ZFHX3: variants seen among roughly 807,000 people sequenced by gnomAD.
ZFHX3 encodes the protein zinc finger homeobox protein 3.
In ZFHX3, 42 loss-of-function variants were observed where a neutral mutation model predicts 279.1. The ratio of observed to expected loss-of-function variants is 0.15; its 90% CI spans 0.12 to 0.19. ZFHX3 has a LOEUF of 0.19. Among genes scored for constraint, ZFHX3 ranks in the 10% least tolerant of loss-of-function variants. ZFHX3 has a pLI of 1.00. For missense variants in ZFHX3, 4,981 were observed against 4,754.0 expected, an observed-to-expected ratio of 1.05 and a Z score of -1.40; for synonymous variants, 2,293 against 1,957.8, an observed-to-expected ratio of 1.17 and a Z score of -4.52.
chr16:72,949,315 CAGG>C (rs923794343), intron 3 of ZFHX3, among the ~76,000 whole-genome samples: 12 of 152,048 alleles, frequency 7.9e-5, no homozygotes, highest in African/African-American at 2.7e-4. Flanking sequence ...GTGTGAAAGG[CAGG>C]AGGAGAGGCT....
intron 1 of ZFHX3, among the ~76,000 whole-genome samples, chr16:73,837,969 T>G (rs1481620921): frequency 2.0e-5 from 3 of 152,226 alleles, no homozygotes; most frequent in Non-Finnish European, 2.9e-5. Context: ...TGTTCCTCTC[T>G]TAGCAATGGT....
chr16:73,402,584 G>T (rs921404413), intron 3 of ZFHX3: 2 of 152,218 alleles, frequency 1.3e-5, no homozygotes, highest in East Asian at 1.9e-4. Context: ...CTGTGGACCC[G>T]CTTTGAGTAG....
chr16:73,212,973 C>A (rs921681518), intron 5 of ZFHX3, among the ~76,000 whole-genome samples: 2 of 152,144 alleles, frequency 1.3e-5, no homozygotes, highest in African/African-American at 4.8e-5. Context: ...ACGTCAGAAA[C>A]GCAGGAAGTA....
chr16:73,550,719 T>C (rs1433707141), intron 2 of ZFHX3, among the ~76,000 whole-genome samples: 1 of 152,240 alleles, frequency 6.6e-6, no homozygotes, highest in African/African-American at 2.4e-5. Flanking sequence ...AATCCATTTG[T>C]TATACCTTCT....
rs145717390 is a variant in ZFHX3 at position 73,822,331 on chromosome 16, T to C, written c.-1608+69320A>G. ...CAGGAAAGGCACGATAGTTCAGTCA[T>C]ATTAGGTTCCTGCCAGCTAAGAAGC... On this transcript the variant is annotated intron_variant, in intron 1 of 17. Transcript: ENST00000641206. Among the ~76,000 whole-genome samples the C allele has an allele frequency of 1.6e-4, 24 of 152,306 alleles. 1 individual carries two copies. Among genetic ancestry groups the C allele is most frequent in the African/African-American group, 2.2e-4 (9 of 41,572 alleles).
chr16:72,893,288 C>G (rs2038817338), intron 3 of ZFHX3, among the ~76,000 whole-genome samples: 1 of 152,188 alleles, frequency 6.6e-6, no homozygotes, highest in Admixed American at 6.5e-5. Context: ...CTCCAATCCC[C>G]CCACTACCTC....
intron 3 of ZFHX3, among the ~76,000 whole-genome samples, chr16:73,352,205 G>C (rs957744606): frequency 6.6e-6 from 1 of 152,214 alleles, no homozygotes; most frequent in East Asian, 1.9e-4. Flanking sequence ...AGTGAGGTCT[G>C]AGGCATCCTT....
chr16:73,417,946 G>T (rs1234363241), intron 3 of ZFHX3, among the ~76,000 whole-genome samples: 1 of 129,390 alleles, frequency 7.7e-6, no homozygotes, highest in African/African-American at 3.1e-5. Flanking sequence ...CTGAGATCGC[G>T]CCACTGCACT....
At chr16:73,511,216 G>C (rs2019422716) in intron 2 of ZFHX3, among the ~76,000 whole-genome samples, 1 of 152,212 alleles carries the variant, frequency 6.6e-6, no homozygotes, top group Non-Finnish European at 1.5e-5. Flanking sequence ...TTCCAGGTAG[G>C]ATTCAGTACT....
intron 4 of ZFHX3, among the ~76,000 whole-genome samples, chr16:73,277,013 G>A (rs1730430225): frequency 6.6e-6 from 1 of 152,174 alleles, no homozygotes; most frequent in African/African-American, 2.4e-5. Context: ...TACAGAAACT[G>A]AGAAACTGGT....
intron 2 of ZFHX3, chr16:73,483,390 C>G (rs2018908471): frequency 2.2e-6 from 1 of 454,058 alleles, no homozygotes; most frequent in Admixed American, 2.4e-5. Flanking sequence ...GAGCCGGGAG[C>G]CAGGGTAGGG....
chr16:73,143,831 G>A (rs1966853875), exon 6 of ZFHX3: 4 of 1,282,696 alleles, frequency 3.1e-6, no homozygotes, highest in Non-Finnish European at 4.1e-6. Context: ...TATCTTCCGA[G>A]CTGAAGAAGA....
chr16:73,247,117 T>C (rs921618661), intron 5 of ZFHX3, among the ~76,000 whole-genome samples: 4 of 152,174 alleles, frequency 2.6e-5, no homozygotes, highest in African/African-American at 9.7e-5. Flanking sequence ...TGTCTGTCTA[T>C]GTGCCTGTAT....
chr16:73,859,057 G>A (rs76207190), intron 1 of ZFHX3, among the ~76,000 whole-genome samples: 164 of 152,238 alleles, frequency 1.1e-3, no homozygotes, highest in Non-Finnish European at 1.9e-3. Flanking sequence ...CTTTTCCCTG[G>A]GGAAAAGTAG....
chr16:73,202,169 T>C (rs2011629298), intron 5 of ZFHX3, among the ~76,000 whole-genome samples: 1 of 152,328 alleles, frequency 6.6e-6, no homozygotes, highest in African/African-American at 2.4e-5. Context: ...CTGGGTGATG[T>C]GTAAGAGTAC....
intron 1 of ZFHX3, among the ~76,000 whole-genome samples, chr16:73,837,678 G>A (rs552698116): frequency 4.9e-4 from 75 of 152,088 alleles, no homozygotes; most frequent in Middle Eastern, 3.4e-3. Context: ...CGCTCTTGTT[G>A]CCCAGGCTAG....
chr16:73,167,443 T>C (rs79642757), intron 5 of ZFHX3, among the ~76,000 whole-genome samples: 4,106 of 152,302 alleles, frequency 0.027, 195 homozygotes, highest in African/African-American at 0.094. Context: ...TGCGATTGAG[T>C]GAAATTGCTT....
chr16:73,432,820 A>G lies in ZFHX3; in HGVS notation c.-1291+23183T>C, dbSNP rs2017931873. Among the ~76,000 whole-genome samples the G allele has an allele frequency of 1.3e-5, 2 of 152,168 alleles. 1 individual carries two copies. Among genetic ancestry groups the G allele is most frequent in the South Asian group, 4.1e-4 (2 of 4,832 alleles). Reference sequence around the variant, plus strand: ...TCTACCTTGGGCTGCAAGAGGCTACACAAGGCTCCGGATAGATGGGTTTTA... The same window carrying G: ...TCTACCTTGGGCTGCAAGAGGCTACGCAAGGCTCCGGATAGATGGGTTTTA... On this transcript the variant is annotated intron_variant, in intron 3 of 17. Coordinates refer to the ZFHX3 transcript ENST00000641206.
chr16:73,884,413 C>A (rs74511524), intron 1 of ZFHX3, among the ~76,000 whole-genome samples: 83 of 152,144 alleles, frequency 5.5e-4, no homozygotes, highest in Non-Finnish European at 1.1e-3. Flanking sequence ...ATCTTTAAGA[C>A]AACATATCAA....
Sources: gnomAD v4.1 joint callset for allele counts (sites outside exome capture counted in the v4.1 genomes callset) on GRCh38, gnomAD v4.1.1 for gene constraint, MANE v1.5 for transcripts, NCBI Gene and HGNC (gene_info 2026-07-23, HGNC 2026-07-21) for gene names.